Variants in SAMMSON observed in about 807,000 individuals in gnomAD.
SAMMSON encodes survival associated mitochondrial melanoma specific oncogenic non-coding RNA.
chr3:70,335,037 C>T (rs1469063951), intron 7 of SAMMSON, among the ~76,000 whole-genome samples: 6 of 143,578 alleles, frequency 4.2e-5, no homozygotes, highest in African/African-American at 1.3e-4. Context: ...CATCGCAACC[C>T]TCACCCATAA....
intron 2 of SAMMSON, among the ~76,000 whole-genome samples, chr3:70,397,528 G>C (rs971905014): frequency 2.0e-5 from 3 of 151,996 alleles, no homozygotes; most frequent in African/African-American, 7.2e-5. Context: ...TTGACTAAGG[G>C]GACATACAAT....
intron 2 of SAMMSON, among the ~76,000 whole-genome samples, chr3:70,428,877 T>C (rs995068441): frequency 6.6e-6 from 1 of 152,320 alleles, no homozygotes; most frequent in African/African-American, 2.4e-5. Context: ...ACTCAGTAAT[T>C]ATACAATGTC....
At chr3:70,198,613 A>C (rs1054038724) in intron 4 of SAMMSON, among the ~76,000 whole-genome samples, 1 of 152,112 alleles carries the variant, frequency 6.6e-6, no homozygotes, top group African/African-American at 2.4e-5. Context: ...TCTTTCTCTT[A>C]CCTTCCCTTC....
At chr3:70,101,549 T>G (rs1416000966) in intron 4 of SAMMSON, among the ~76,000 whole-genome samples, 1 of 152,180 alleles carries the variant, frequency 6.6e-6, no homozygotes, top group East Asian at 1.9e-4. Flanking sequence ...AATAAATATG[T>G]CTTTTAATTT....
chr3:70,110,995 G>A (rs531709801), intron 4 of SAMMSON, among the ~76,000 whole-genome samples: 1 of 152,220 alleles, frequency 6.6e-6, no homozygotes, highest in African/African-American at 2.4e-5. Context: ...TTGCCTGGGG[G>A]CCTCTCTTCC....
At chr3:70,323,614 C>G (rs1464708623) in intron 7 of SAMMSON, among the ~76,000 whole-genome samples, 1 of 152,116 alleles carries the variant, frequency 6.6e-6, no homozygotes, top group Admixed American at 6.6e-5. Flanking sequence ...TTGTATATTT[C>G]CAGCTAGGGA....
intron 4 of SAMMSON, among the ~76,000 whole-genome samples, chr3:70,082,824 G>A (rs1464077289): frequency 1.3e-5 from 2 of 152,176 alleles, no homozygotes; most frequent in Non-Finnish European, 2.9e-5. Context: ...TGGTTTTAAA[G>A]TAACTCATTT....
intron 4 of SAMMSON, among the ~76,000 whole-genome samples, chr3:70,173,726 A>G (rs760253349): frequency 2.3e-4 from 35 of 152,092 alleles, no homozygotes; most frequent in Middle Eastern, 3.4e-3. Context: ...AGTCTTGTTA[A>G]TCATATTTGC....
chr3:70,226,888 A>G (rs1323689060), intron 4 of SAMMSON, among the ~76,000 whole-genome samples: 1 of 152,144 alleles, frequency 6.6e-6, no homozygotes, highest in Non-Finnish European at 1.5e-5. Context: ...AAAGGAGAGA[A>G]GAGGGACTGG....
intron 6 of SAMMSON, among the ~76,000 whole-genome samples, chr3:70,289,604 C>A (rs1401744125): frequency 6.7e-6 from 1 of 149,768 alleles, no homozygotes; most frequent in Admixed American, 6.7e-5. Flanking sequence ...TGAACGTTGG[C>A]CTGCCTTGCT....
chr3:70,019,894 C>T (rs1456493756), intron 3 of SAMMSON, among the ~76,000 whole-genome samples: 1 of 152,140 alleles, frequency 6.6e-6, no homozygotes, highest in Non-Finnish European at 1.5e-5. Context: ...GCCTTTGTCA[C>T]ACTTATTGGC....
chr3:70,413,892 G>T (rs1454115239), intron 2 of SAMMSON, among the ~76,000 whole-genome samples: 1 of 151,976 alleles, frequency 6.6e-6, no homozygotes, highest in African/African-American at 2.4e-5. Context: ...TGCACCTTTT[G>T]TTACCTTTAC....
At chr3:70,149,155 T>G (rs961799501) in intron 4 of SAMMSON, among the ~76,000 whole-genome samples, 1 of 152,048 alleles carries the variant, frequency 6.6e-6, no homozygotes, top group Non-Finnish European at 1.5e-5. Flanking sequence ...TGACTCCCAG[T>G]TTATTTATTT....
At chr3:70,327,981 A>G (rs147262100) in intron 7 of SAMMSON, among the ~76,000 whole-genome samples, 1 of 152,340 alleles carries the variant, frequency 6.6e-6, no homozygotes, top group East Asian at 1.9e-4. Flanking sequence ...AAGAAGTTTA[A>G]TAGACTCACA....
chr3:70,213,398 AG>A (rs1025210897), intron 4 of SAMMSON, among the ~76,000 whole-genome samples: 1 of 152,134 alleles, frequency 6.6e-6, no homozygotes, highest in Non-Finnish European at 1.5e-5. Flanking sequence ...TTTTAGTTCT[AG>A]GCCAAAACAT....
At chr3:70,336,524 T>C (rs144164667) in intron 7 of SAMMSON, among the ~76,000 whole-genome samples, 1 of 151,888 alleles carries the variant, frequency 6.6e-6, no homozygotes, top group African/African-American at 2.4e-5. Context: ...TGGGAGAAAT[T>C]TGTGGGAGTC....
chr3:70,233,104 G>T (rs962843376), intron 4 of SAMMSON, among the ~76,000 whole-genome samples: 6 of 152,118 alleles, frequency 3.9e-5, no homozygotes, highest in African/African-American at 1.4e-4. Flanking sequence ...CACAAGAATC[G>T]CTTAAACCTG....
chr3:70,296,366 G>C (rs1052417480), intron 7 of SAMMSON, among the ~76,000 whole-genome samples: 5 of 152,006 alleles, frequency 3.3e-5, no homozygotes, highest in African/African-American at 2.4e-5. Flanking sequence ...CTTTCTTACT[G>C]TTAACTATGG....
intron 9 of SAMMSON, among the ~76,000 whole-genome samples, chr3:70,387,493 C>T (rs1291867376): frequency 6.6e-6 from 1 of 151,914 alleles, no homozygotes; most frequent in Admixed American, 6.6e-5. Context: ...TTTATTTTTT[C>T]ACTCAGACAA....
Sources: allele counts gnomAD v4.1 joint callset (sites outside exome capture counted in the v4.1 genomes callset), GRCh38; gene constraint gnomAD v4.1.1; transcripts MANE v1.5; gene names NCBI Gene and HGNC (gene_info 2026-07-23, HGNC 2026-07-21).